The following RBMS3 variants were observed in gnomAD, a reference collection of about 807,000 sequenced individuals.
RBMS3 encodes RNA binding motif single stranded interacting protein 3, also known as RNA-binding motif, single-stranded-interacting protein 3.
A neutral mutation model predicts 66.8 loss-of-function variants in RBMS3; 27 were observed. That is an observed-to-expected ratio of 0.40 (90% CI 0.30 to 0.56). The LOEUF is 0.56. Ranked by LOEUF, RBMS3 falls within the 20% of genes least tolerant of loss-of-function variation. The pLI is 0.40. For synonymous variants in RBMS3, 188 were observed against 183.0 expected (o/e 1.03, Z -0.22); for missense variants, 513 against 549.5 (o/e 0.93, Z 0.66).
chr3:29,704,182 A>G (rs879279404), intron 4 of RBMS3, among the ~76,000 whole-genome samples: 2 of 152,196 alleles, frequency 1.3e-5, no homozygotes, highest in Non-Finnish European at 2.9e-5. Context: ...AATAAACGTA[A>G]TGCGCTTGAA....
At chr3:29,541,960 C>A (rs2045779737) in intron 3 of RBMS3, among the ~76,000 whole-genome samples, 1 of 152,208 alleles carries the variant, frequency 6.6e-6, no homozygotes, top group South Asian at 2.1e-4. Flanking sequence ...CATCCCACCC[C>A]AGCTAAAGGA....
At chr3:29,922,225 C>T (rs1289465190) in intron 10 of RBMS3, among the ~76,000 whole-genome samples, 1 of 152,110 alleles carries the variant, frequency 6.6e-6, no homozygotes, top group Non-Finnish European at 1.5e-5. Context: ...CGGTGGCTCA[C>T]GCCTGTAATC....
At chr3:29,482,701 C>CTTTCTTT (rs759435190) in intron 2 of RBMS3, among the ~76,000 whole-genome samples, 6 of 77,508 alleles carry the variant, frequency 7.7e-5, no homozygotes, top group South Asian at 1.2e-3. Flanking sequence ...TTCTTTCTTT[C>CTTTCTTT]TTTTTTTTTT....
intron 6 of RBMS3, among the ~76,000 whole-genome samples, chr3:29,772,736 T>A (rs1408239104): frequency 6.6e-6 from 1 of 151,974 alleles, no homozygotes; most frequent in East Asian, 1.9e-4. Context: ...TAGAAGAAAG[T>A]TCAGTAAGCT....
intron 12 of RBMS3, among the ~76,000 whole-genome samples, chr3:29,968,693 A>G (rs887620640): frequency 6.6e-6 from 1 of 152,288 alleles, no homozygotes; most frequent in African/African-American, 2.4e-5. Context: ...CACTCACAGT[A>G]TTTAGGGTGC....
intron 1 of RBMS3, among the ~76,000 whole-genome samples, chr3:29,287,931 G>T (rs1290490576): frequency 6.6e-6 from 1 of 151,842 alleles, no homozygotes; most frequent in Non-Finnish European, 1.5e-5. Context: ...TTTATTTTAA[G>T]TTGATATTGG....
intron 2 of RBMS3, among the ~76,000 whole-genome samples, chr3:29,438,112 T>C (rs909614179): frequency 2.0e-5 from 3 of 152,094 alleles, no homozygotes; most frequent in African/African-American, 7.2e-5. Flanking sequence ...TTAACAGTCT[T>C]CTAAAGATTA....
At chr3:29,995,704 A>G (rs1366907742) in intron 14 of RBMS3, among the ~76,000 whole-genome samples, 217 of 152,006 alleles carry the variant, frequency 1.4e-3, no homozygotes, top group African/African-American at 4.9e-3. Flanking sequence ...ATCCTTTACA[A>G]ACAAGCAAGT....
At chr3:29,324,488 G>C (rs1010515419) in intron 1 of RBMS3, among the ~76,000 whole-genome samples, 3 of 152,154 alleles carry the variant, frequency 2.0e-5, no homozygotes, top group Non-Finnish European at 2.9e-5. Flanking sequence ...GGCTTGCTAC[G>C]TAACCTGGAA....
intron 8 of RBMS3, among the ~76,000 whole-genome samples, chr3:29,889,979 T>C (rs1577076441): frequency 6.6e-6 from 1 of 151,702 alleles, no homozygotes; most frequent in East Asian, 1.9e-4. Flanking sequence ...TGAGTTTCTC[T>C]GTCCTGAGTG....
chr3:29,335,380 A>C (rs1486327445), intron 1 of RBMS3, among the ~76,000 whole-genome samples: 1 of 152,210 alleles, frequency 6.6e-6, no homozygotes, highest in Non-Finnish European at 1.5e-5. Context: ...ATAATAAATT[A>C]GCAGAAATTA....
chr3:29,624,346 G>GT (rs899188226), intron 4 of RBMS3, among the ~76,000 whole-genome samples: 33 of 152,230 alleles, frequency 2.2e-4, no homozygotes, highest in Non-Finnish European at 3.8e-4. Context: ...TAAAGCAACA[G>GT]TTTTTTTAAA....
At chr3:29,524,606 T>C in intron 3 of RBMS3, among the ~76,000 whole-genome samples, 1 of 151,354 alleles carries the variant, frequency 6.6e-6, no homozygotes, top group East Asian at 2.0e-4. Flanking sequence ...TTTTGCATTT[T>C]ATTTATTTAT....
chr3:29,804,223 A>G (rs906271809), intron 6 of RBMS3, among the ~76,000 whole-genome samples: 7 of 152,064 alleles, frequency 4.6e-5, no homozygotes, highest in Non-Finnish European at 8.8e-5. Flanking sequence ...TTGCTATAAA[A>G]CTAAAAGAAA....
intron 10 of RBMS3, among the ~76,000 whole-genome samples, chr3:29,911,587 A>G (rs1034430242): frequency 3.3e-5 from 5 of 152,068 alleles, no homozygotes; most frequent in Admixed American, 2.6e-4. Flanking sequence ...TAAAGTAATC[A>G]TTATAGCCTC....
chr3:29,649,314 G>A (rs1490105199), intron 4 of RBMS3, among the ~76,000 whole-genome samples: 1 of 152,082 alleles, frequency 6.6e-6, no homozygotes, highest in Non-Finnish European at 1.5e-5. Context: ...CAGCTCTGGG[G>A]CACAATTTCC....
intron 4 of RBMS3, among the ~76,000 whole-genome samples, chr3:29,623,980 G>A (rs2048968525): frequency 6.6e-6 from 1 of 152,148 alleles, no homozygotes; most frequent in African/African-American, 2.4e-5. Context: ...TGCCAGTATG[G>A]CTATTATTCT....
intron 4 of RBMS3, chr3:29,698,195 C>G (rs917177545): frequency 1.0e-6 from 1 of 983,820 alleles, no homozygotes; most frequent in Non-Finnish European, 1.2e-6. Flanking sequence ...TTTATAGCCA[C>G]AGGACTTCAA....
chr3:29,342,177 G>T (rs751259693), intron 1 of RBMS3, among the ~76,000 whole-genome samples: 3 of 152,144 alleles, frequency 2.0e-5, no homozygotes, highest in Non-Finnish European at 4.4e-5. Flanking sequence ...ATTTCCAGAA[G>T]TGGAGGCTTC....
Sources: allele counts gnomAD v4.1 joint callset (sites outside exome capture counted in the v4.1 genomes callset), GRCh38; gene constraint gnomAD v4.1.1; transcripts MANE v1.5; gene names NCBI Gene and HGNC (gene_info 2026-07-23, HGNC 2026-07-21).